The following ALKBH3 variants were observed in gnomAD, a reference collection of about 807,000 sequenced individuals.
The protein encoded by ALKBH3 is alpha-ketoglutarate-dependent dioxygenase alkB homolog 3.
ALKBH3 carries 51 observed loss-of-function variants against 43.9 expected under a neutral mutation model. The ratio of observed to expected loss-of-function variants is 1.16; its 90% CI spans 0.93 to 1.47. The LOEUF is 1.47. ALKBH3 is among the 40% of genes most tolerant of loss of function. The pLI, the probability that ALKBH3 is intolerant of heterozygous loss-of-function variation, is 0.00. For synonymous variants in ALKBH3, 102 were observed against 115.2 expected, an observed-to-expected ratio of 0.89 and a Z score of 0.73; for missense variants, 361 against 351.9, an observed-to-expected ratio of 1.03 and a Z score of -0.21.
chr11:43,897,768 T>A, intron 7 of ALKBH3: 1 of 804,062 alleles, frequency 1.2e-6, no homozygotes, highest in Non-Finnish European at 2.3e-6. Context: ...ATTTTCCAAT[T>A]GCTATACCGT....
intron 7 of ALKBH3, 65 bp from the exon 8 acceptor site, chr11:43,901,451 C>T: frequency 6.3e-7 from 1 of 1,583,748 alleles, no homozygotes; most frequent in Non-Finnish European, 8.6e-7. Context: ...TTCTGTTTTT[C>T]CATGCGGCTG....
At chr11:43,889,245 G>C (rs547005917) in intron 5 of ALKBH3, among the ~76,000 whole-genome samples, 2 of 152,150 alleles carry the variant, frequency 1.3e-5, no homozygotes, top group East Asian at 3.9e-4. Context: ...GGCTGGTCTC[G>C]AACTCCTGAC....
intron 8 of ALKBH3, among the ~76,000 whole-genome samples, chr11:43,906,821 C>T (rs1951899288): frequency 6.6e-6 from 1 of 152,200 alleles, no homozygotes; most frequent in African/African-American, 2.4e-5. Context: ...TTTCCTGTTT[C>T]TATCCCTGAT....
intron 8 of ALKBH3, among the ~76,000 whole-genome samples, chr11:43,904,323 T>C (rs1951882100): frequency 2.6e-5 from 4 of 152,242 alleles, no homozygotes; most frequent in Non-Finnish European, 1.5e-5. Context: ...AATATAAACA[T>C]GTTGGTACTT....
intron 7 of ALKBH3, chr11:43,897,593 G>C (rs1951828466): frequency 1.2e-6 from 1 of 823,102 alleles, no homozygotes; most frequent in African/African-American, 1.7e-5. Flanking sequence ...ATGAATTCAA[G>C]AGTGAAGATG....
rs1951719683 is a variant in ALKBH3, at chr11:43,882,638, G to A, written c.-15G>A. 2 of 1,609,158 alleles carry A rather than the reference G, an allele frequency of 1.2e-6. No homozygotes were observed. Among genetic ancestry groups the A allele is most frequent in the South Asian group, 1.1e-5 (1 of 90,100 alleles). ...AATCTTCTGAAAGCTCGGAGCAGAA[G>A]CCTTTTTGGTCAACATGGAGGAAAA... On this transcript the variant is annotated 5_prime_UTR_variant, in exon 2 of 10. Coordinates refer to ENST00000302708, the MANE Select transcript of ALKBH3 (RefSeq NM_139178.4).
chr11:43,889,936 A>G, intron 6 of ALKBH3, 108 bp downstream of exon 6: 1 of 925,466 alleles, frequency 1.1e-6, no homozygotes, highest in Non-Finnish European at 1.6e-6. Flanking sequence ...ACAGAAATTC[A>G]AAACCTGAGA....
At chr11:43,897,600 G>T (rs1951828527) in intron 7 of ALKBH3, 2 of 855,258 alleles carry the variant, frequency 2.3e-6, no homozygotes, top group East Asian at 2.4e-5. Context: ...CAAGAGTGAA[G>T]ATGGGGCTGT....
intron 8 of ALKBH3, among the ~76,000 whole-genome samples, chr11:43,908,725 T>C (rs2135199251): frequency 6.6e-6 from 1 of 152,352 alleles, no homozygotes. Flanking sequence ...ATCCCTAGTA[T>C]TATTGCAGCA....
intron 7 of ALKBH3, among the ~76,000 whole-genome samples, chr11:43,895,135 G>C (rs1481111326): frequency 6.6e-6 from 1 of 152,130 alleles, no homozygotes. Context: ...ACAACCATGG[G>C]ATATACTTAA....
chr11:43,883,792 C>G (rs1233442249), intron 3 of ALKBH3, among the ~76,000 whole-genome samples, 191 bp from the exon 4 acceptor site: 1 of 152,110 alleles, frequency 6.6e-6, no homozygotes, highest in Non-Finnish European at 1.5e-5. Context: ...TCTTCTTTTA[C>G]TGTCTACTAG....
intron 7 of ALKBH3, among the ~76,000 whole-genome samples, chr11:43,900,215 A>AATTTTTTTTTTTTTTTTTTTTTTTT (rs1554976906): frequency 4.6e-5 from 4 of 87,150 alleles, no homozygotes; most frequent in African/African-American, 4.5e-5. Flanking sequence ...TTTTAATTTA[A>AATTTTTTTTTTTTTTTTTTTTTTTT]TTTTTTTTTT....
intron 7 of ALKBH3, chr11:43,898,041 G>A (rs1951831788): frequency 1.1e-6 from 1 of 918,428 alleles, no homozygotes; most frequent in East Asian, 2.4e-5. Context: ...CAGCGTCCAT[G>A]GCTGTTGTCA....
intron 7 of ALKBH3, chr11:43,897,171 A>G (rs770144213): frequency 4.0e-6 from 2 of 504,268 alleles, no homozygotes; most frequent in Non-Finnish European, 7.9e-6. Context: ...ATAAAATAAT[A>G]TGAAAAGTTT....
chr11:43,885,150 A>T (rs186873920), intron 4 of ALKBH3, among the ~76,000 whole-genome samples: 82 of 152,306 alleles, frequency 5.4e-4, no homozygotes, highest in Middle Eastern at 3.4e-3. Flanking sequence ...CAGATGTGAC[A>T]TTCGGCCCCC....
intron 7 of ALKBH3, among the ~76,000 whole-genome samples, chr11:43,900,614 A>G (rs535156486): frequency 6.6e-6 from 1 of 152,188 alleles, no homozygotes; most frequent in Non-Finnish European, 1.5e-5. Flanking sequence ...TAACCCATAT[A>G]AACAAAAGTT....
intron 7 of ALKBH3, among the ~76,000 whole-genome samples, chr11:43,892,454 C>T (rs908903851): frequency 1.3e-5 from 2 of 152,266 alleles, no homozygotes; most frequent in Middle Eastern, 3.4e-3. Flanking sequence ...GGGGCTGAGT[C>T]CTTATGACTG....
intron 1 of ALKBH3, among the ~76,000 whole-genome samples, chr11:43,882,000 G>C (rs35309217): frequency 7.9e-5 from 12 of 152,298 alleles, no homozygotes; most frequent in Admixed American, 7.8e-4. Context: ...ATGTTAATCT[G>C]TCTGTTGTTG....
At position 43,880,995 on chromosome 11, in the gene ALKBH3, T is replaced by G. The variant is rs935584256; in HGVS notation, c.-255T>G. The G allele has an allele frequency of 6.6e-6, 1 of 152,182 alleles. No homozygotes were observed. The highest frequency in any genetic ancestry group is 1.5e-5 in the Non-Finnish European group (1 of 68,076). 9.4% of individuals were successfully genotyped at this position (152,182 alleles called of 1,614,324 possible). On this transcript the variant is annotated 5_prime_UTR_variant, in exon 1 of 10. Coordinates refer to ENST00000302708, the MANE Select transcript of ALKBH3 (RefSeq NM_139178.4). ...GGGGGTGCGAGTACCACCCCTGAAGTCTCTTCCTGGGCGACCTCCGGGGCC... is the reference window on the plus strand; with the variant it reads ...GGGGGTGCGAGTACCACCCCTGAAGGCTCTTCCTGGGCGACCTCCGGGGCC...
Sources: gnomAD v4.1 joint callset for allele counts (sites outside exome capture counted in the v4.1 genomes callset) on GRCh38, gnomAD v4.1.1 for gene constraint, MANE v1.5 for transcripts, NCBI Gene and HGNC (gene_info 2026-07-23, HGNC 2026-07-21) for gene names.